MRPS15: variants seen among roughly 807,000 people sequenced by gnomAD.
MRPS15 encodes mitochondrial ribosomal protein S15.
In MRPS15, 25 loss-of-function variants were observed where a neutral mutation model predicts 30.7. The ratio of observed to expected loss-of-function variants is 0.81; its 90% CI spans 0.59 to 1.14. The LOEUF (loss-of-function observed/expected upper bound fraction) is 1.14, where lower values mean the gene tolerates loss of function less well. MRPS15 is among the 50% of genes most tolerant of loss of function. MRPS15 has a pLI of 0.00. For missense variants in MRPS15, 313 were observed against 321.7 expected, an observed-to-expected ratio of 0.97 and a Z score of 0.21; for synonymous variants, 124 against 120.1, an observed-to-expected ratio of 1.03 and a Z score of -0.21.
chr1:36,460,332 G>A (rs76403663), intron 5 of MRPS15, among the ~76,000 whole-genome samples: 2 of 152,104 alleles, frequency 1.3e-5, no homozygotes, highest in African/African-American at 2.4e-5. Context: ...ATCACACATC[G>A]TGAGCTTTAG....
rs200351684 is a variant in MRPS15, at chr1:36,464,320, G to A, written c.-45C>T. On this transcript the variant is annotated 5_prime_UTR_variant, in exon 1 of 8. Transcript: ENST00000373116. The stretch of plus-strand genomic sequence containing the variant: ...GGGGCCCGCGCCGCGGCCGCCGTTC[G>A]CTTTGCGGCACGGACCGGGTTACAT... 13 of 1,590,532 alleles carry A rather than the reference G, an allele frequency of 8.2e-6. No individual in the cohort carries two copies. The highest frequency in any genetic ancestry group is 1.8e-5 in the Admixed American group (1 of 55,644).
rs556068596 is a variant in MRPS15 at position 36,461,893 on chromosome 1, A to G, written c.251+195T>C. Reference sequence around the variant, plus strand: ...CATCTAGAGTACAAAAAAACCCCCAAGTAGCCGAGCTCCATGAGTGCCATC... The same window carrying G: ...CATCTAGAGTACAAAAAAACCCCCAGGTAGCCGAGCTCCATGAGTGCCATC... On this transcript the variant is annotated intron_variant, in intron 3 of 7. Transcript: ENST00000373116. Among the ~76,000 whole-genome samples the G allele has an allele frequency of 1.1e-3, 171 of 152,254 alleles. 1 individual carries two copies. Among genetic ancestry groups the G allele is most frequent in the Admixed American group, 0.011 (168 of 15,288 alleles).
In MRPS15 at chr1:36,458,306, G is replaced by A. The variant is rs948906487; in HGVS notation, c.386-325C>T. On this transcript the variant is annotated intron_variant, in intron 5 of 7. Transcript: ENST00000373116. The surrounding 1 kb of genome is among the most constrained non-coding windows in gnomAD (Gnocchi z 4.5). ...TGCAGTGGTGCGATCTCGGCTCACC[G>A]CAGCCTCTGCCTCCCAGGTTCAGGT... 49 of 211,000 alleles carry A rather than the reference G, an allele frequency of 2.3e-4. No homozygotes were observed. Among genetic ancestry groups the A allele is most frequent in the African/African-American group, 3.0e-4 (13 of 43,246 alleles). The allele number at this position is 211,000 out of a possible 1,614,324, so 13.1% of individuals were successfully genotyped here.
At chr1:36,457,301 A>C (rs1440416990) in intron 6 of MRPS15, among the ~76,000 whole-genome samples, 1 of 151,440 alleles carries the variant, frequency 6.6e-6, no homozygotes, top group Non-Finnish European at 1.5e-5. Flanking sequence ...ATATATATAT[A>C]TATGGGTCTT....
chr1:36,458,417 CG>C lies in MRPS15; in HGVS notation c.386-437del, dbSNP rs2124079541. On this transcript the variant is annotated intron_variant, in intron 5 of 7. Coordinates refer to ENST00000373116, the MANE Select transcript of MRPS15 (RefSeq NM_031280.4). This position sits in a 1 kb window ranked among gnomAD's most constrained non-coding sequence, Gnocchi z 4.5. ...CTAATTTTTCTATTTTTAGTAGAGA[CG>C]GGGTTTCACCATGTTGGCCAGGCTG... 1 of 158,360 alleles carries C rather than the reference CG, an allele frequency of 6.3e-6. No homozygotes were observed. The highest frequency in any genetic ancestry group is 2.4e-5 in the African/African-American group (1 of 41,610). 9.8% of individuals were successfully genotyped at this position (158,360 alleles called of 1,614,324 possible). A position where few individuals can be genotyped will look rare whatever the true frequency, so the allele number is the denominator to read the frequency against.
intron 2 of MRPS15, 98 bp from the exon 3 acceptor site, chr1:36,462,261 G>T: frequency 1.2e-6 from 1 of 817,544 alleles, no homozygotes. Flanking sequence ...AACTCCAGAA[G>T]GGACATTCAG....
intron 1 of MRPS15, 121 bp from the exon 2 acceptor site, chr1:36,463,971 C>T: frequency 2.7e-6 from 4 of 1,498,726 alleles, no homozygotes; most frequent in Non-Finnish European, 3.6e-6. Flanking sequence ...TAACCGCTGC[C>T]CCATTTCTTC....
chr1:36,462,557 G>A (rs1650119398), intron 2 of MRPS15, among the ~76,000 whole-genome samples: 1 of 152,188 alleles, frequency 6.6e-6, no homozygotes, highest in East Asian at 1.9e-4. Flanking sequence ...CTGACTGCAT[G>A]TATGAATTAA....
intron 4 of MRPS15, among the ~76,000 whole-genome samples, chr1:36,461,012 TTGCTCATTCATTTA>T (rs1455403420): frequency 6.6e-6 from 1 of 152,236 alleles, no homozygotes; most frequent in Non-Finnish European, 1.5e-5. Flanking sequence ...TCCCCAAAGC[TTGCTCATTCATTTA>T]TGCTCATTCA....
At chr1:36,457,378 C>T (rs1650011692) in intron 6 of MRPS15, among the ~76,000 whole-genome samples, 1 of 151,802 alleles carries the variant, frequency 6.6e-6, no homozygotes, top group Admixed American at 6.6e-5. Flanking sequence ...TAAGGAATAA[C>T]TTAATCATTC....
intron 6 of MRPS15, 97 bp from the exon 7 acceptor site, chr1:36,456,475 A>C: frequency 2.5e-6 from 3 of 1,180,022 alleles, no homozygotes; most frequent in Non-Finnish European, 3.5e-6. Flanking sequence ...GAAATTTCTC[A>C]GTAATCTTAT....
At position 36,456,369 on chromosome 1, in the gene MRPS15, G is replaced by A. The variant is rs753430030; in HGVS notation, c.454C>T (p.His152Tyr). The A allele has an allele frequency of 1.9e-6, 3 of 1,606,028 alleles. No homozygotes were observed. The African/African-American group carries it at 4.0e-5, about 22-fold the overall frequency. Residue 152 changes from histidine to tyrosine, a missense_variant, in exon 7 of 8, where the codon CAC becomes TAC. Coordinates refer to ENST00000373116, the MANE Select transcript of MRPS15 (RefSeq NM_031280.4). ...HLEKHRKDKA[H>Y]KRYLLMSIDQ... ...ATGCTCATTAGCAGATAGCGTTTGT[G>A]GGCTTTGTCCTGCAAGAGATTCTCA...
intron 5 of MRPS15, among the ~76,000 whole-genome samples, 180 bp downstream of exon 5, chr1:36,460,512 A>G (rs904503091): frequency 6.6e-6 from 1 of 152,248 alleles, no homozygotes; most frequent in South Asian, 2.1e-4. Flanking sequence ...ACAAGGTCCA[A>G]CTGGGTGTTG....
chr1:36,462,589 A>G (rs1485682946), intron 2 of MRPS15, among the ~76,000 whole-genome samples: 1 of 152,202 alleles, frequency 6.6e-6, no homozygotes, highest in Non-Finnish European at 1.5e-5. Context: ...AAAGGCAGCT[A>G]GCTGTACGAT....
At chr1:36,463,459 A>G (rs1352601200) in intron 2 of MRPS15, among the ~76,000 whole-genome samples, 1 of 152,200 alleles carries the variant, frequency 6.6e-6, no homozygotes, top group African/African-American at 2.4e-5. Flanking sequence ...GATCTTAACT[A>G]CTATGCATAC....
intron 6 of MRPS15, 110 bp downstream of exon 6, chr1:36,457,813 G>A: frequency 9.8e-7 from 1 of 1,021,506 alleles, no homozygotes; most frequent in Non-Finnish European, 1.5e-6. Context: ...CAGGAGGGAA[G>A]CATTTTCAGT....
At chr1:36,462,622 A>T (rs1650120134) in intron 2 of MRPS15, among the ~76,000 whole-genome samples, 1 of 152,218 alleles carries the variant, frequency 6.6e-6, no homozygotes, top group Non-Finnish European at 1.5e-5. Flanking sequence ...AGCACCAAGT[A>T]GAGATCACAG....
At chr1:36,459,995 G>A (rs920881486) in intron 5 of MRPS15, among the ~76,000 whole-genome samples, 2 of 152,170 alleles carry the variant, frequency 1.3e-5, no homozygotes, top group African/African-American at 4.8e-5. Flanking sequence ...TGGCACAAGA[G>A]GGTTCAAAAT....
rs1557579149 is a variant in MRPS15 at position 36,455,860 on chromosome 1, T to C, written c.702A>G (p.Gln234=). 2 of 1,614,190 alleles carry C rather than the reference T, an allele frequency of 1.2e-6. No homozygotes were observed. The highest frequency in any genetic ancestry group is 2.2e-5 in the East Asian group (1 of 44,884). ...RRALKAAAAA[Q]KQAKRRNPDS... ...CTGGGTTCCTCCGCTTTGCTTGTTT[T>C]TGGGCTGCTGCTGCAGCCTTTAAGG... is the stretch of plus-strand genomic sequence containing the variant. Residue 234 remains glutamine (Q), a synonymous_variant, in exon 8 of 8, where the codon CAA becomes CAG. Transcript: ENST00000373116.
Sources: allele counts gnomAD v4.1 joint callset (sites outside exome capture counted in the v4.1 genomes callset), GRCh38; gene constraint gnomAD v4.1.1; non-coding constraint Gnocchi (gnomAD v3.1); transcripts MANE v1.5; gene names NCBI Gene and HGNC (gene_info 2026-07-23, HGNC 2026-07-21).